Variants in SLC33A1 observed in about 807,000 individuals in gnomAD.
The protein encoded by SLC33A1 is solute carrier family 33 member 1.
In SLC33A1, 20 loss-of-function variants were observed where a neutral mutation model predicts 50.0. The ratio of observed to expected loss-of-function variants is 0.40; its 90% confidence interval spans 0.28 to 0.58. The LOEUF is 0.58. Ranked by LOEUF, SLC33A1 falls within the 20% of genes least tolerant of loss-of-function variation. SLC33A1 has a pLI of 0.44. For synonymous variants in SLC33A1, 265 were observed against 251.8 expected (o/e 1.05, Z -0.50); for missense variants, 476 against 657.0 (o/e 0.72, Z 3.01).
At chr3:155,836,266 G>C (rs1224727157) in intron 2 of SLC33A1, among the ~76,000 whole-genome samples, 1 of 90,828 alleles carries the variant, frequency 1.1e-5, no homozygotes, top group African/African-American at 4.6e-5. Flanking sequence ...CCTGGTGACA[G>C]AGTGAGACTC....
rs549032179 is a variant in SLC33A1 at position 155,838,185 on chromosome 3, C to T, written c.964-4144G>A. Among the ~76,000 whole-genome samples the T allele has an allele frequency of 3.3e-5, 5 of 152,022 alleles. No individual in the cohort carries two copies. In the East Asian group the frequency reaches 9.7e-4, roughly 29 times the overall value. The stretch of plus-strand genomic sequence containing the variant: ...GGGCATGGTGGTGCACGCCTGTAAT[C>T]CCAGCTACTTGGGAGGCTGAGGCAG... On this transcript the variant is annotated intron_variant, in intron 2 of 5. Transcript: ENST00000643144.
chr3:155,835,673 C>A (rs934391136), intron 2 of SLC33A1, among the ~76,000 whole-genome samples: 1 of 152,156 alleles, frequency 6.6e-6, no homozygotes, highest in African/African-American at 2.4e-5. Flanking sequence ...AGGGTGGGGG[C>A]TGCCAGAAAT....
chr3:155,833,123 C>A (rs930413097), intron 4 of SLC33A1, among the ~76,000 whole-genome samples: 1 of 151,934 alleles, frequency 6.6e-6, no homozygotes, highest in African/African-American at 2.4e-5. Flanking sequence ...GTGGCACGTG[C>A]CTGTAATCCT....
intron 2 of SLC33A1, among the ~76,000 whole-genome samples, chr3:155,839,068 C>T (rs951523416): frequency 6.6e-6 from 1 of 151,858 alleles, no homozygotes; most frequent in African/African-American, 2.4e-5. Context: ...ACGGGCAGAT[C>T]ACCTGAAGTC....
Position 155,829,807 on chromosome 3 carries a change from C to A in SLC33A1, c.1363G>T (p.Val455Leu). The A allele has an allele frequency of 6.2e-7, 1 of 1,613,670 alleles. No homozygotes were observed. The highest frequency in any genetic ancestry group is 8.5e-7 in the Non-Finnish European group (1 of 1,179,698). The change falls in exon 5 of 6, where the codon GTG becomes TTG. Residue 455 changes from valine to leucine, a missense_variant. Val to Leu is a conservative substitution (Grantham distance 32). Coordinates refer to ENST00000643144, the MANE Select transcript of SLC33A1 (RefSeq NM_004733.4). ...GGCCAGTTTCCTCCCAGATTGGACA[C>A]GGTATTTAAAAGGGTCATGTATGTT... Reference protein sequence around the residue: ...GGTYMTLLNTVSNLGGNWPST... With the variant: ...GGTYMTLLNTLSNLGGNWPST...
At chr3:155,844,501 C>A (rs1391947920) in intron 1 of SLC33A1, among the ~76,000 whole-genome samples, 8 of 107,702 alleles carry the variant, frequency 7.4e-5, no homozygotes, top group African/African-American at 2.8e-4. Context: ...CGGAGTCTCA[C>A]TCTTGTCAGG....
chr3:155,845,798 C>T (rs1402788740), intron 1 of SLC33A1, among the ~76,000 whole-genome samples: 1 of 151,918 alleles, frequency 6.6e-6, no homozygotes, highest in Non-Finnish European at 1.5e-5. Context: ...AACATTACTA[C>T]CAAAAACATG....
rs2109299644 is a variant in SLC33A1, at chr3:155,826,607, A to G, written c.*1603T>C. The G allele has an allele frequency of 6.6e-6, 1 of 152,194 alleles. No homozygotes were observed. The allele number at this position is 152,194 out of a possible 1,614,324, so 9.4% of individuals were successfully genotyped here. On this transcript the variant is annotated 3_prime_UTR_variant, in exon 6 of 6. Transcript: ENST00000643144. Reference sequence around the variant, plus strand: ...GGACAACCATGTGACAAAGTACTGTAGTGTATGGTTTGGTGTAGCCTCCTT... The same window carrying G: ...GGACAACCATGTGACAAAGTACTGTGGTGTATGGTTTGGTGTAGCCTCCTT...
chr3:155,854,103 T>G lies in SLC33A1; in HGVS notation c.-106A>C. On this transcript the variant is annotated 5_prime_UTR_variant, in exon 1 of 6. Transcript: ENST00000643144. ...TCGCGCTGGACCAGGGTTTCGGTGG[T>G]TCACGGGATGGTGGCAGGGCTCAGA... The G allele has an allele frequency of 1.1e-6, 1 of 889,514 alleles. No individual in the cohort carries two copies. The highest frequency in any genetic ancestry group is 1.7e-6 in the Non-Finnish European group (1 of 598,176). The allele number at this position is 889,514 out of a possible 1,614,324, so 55.1% of individuals were successfully genotyped here. A position where few individuals can be genotyped will look rare whatever the true frequency, so the allele number is the denominator to read the frequency against.
At chr3:155,846,454 C>CT (rs34163073) in intron 1 of SLC33A1, among the ~76,000 whole-genome samples, 27,845 of 138,376 alleles carry the variant, frequency 0.2, 7,021 homozygotes, top group African/African-American at 0.59. Flanking sequence ...CCCACACTTC[C>CT]TTTTTTTTTT....
Position 155,827,873 on chromosome 3 carries a change from C to T in SLC33A1, c.*337G>A. 8.0e-6 allele frequency: 2 copies of T among 251,008 alleles called. No individual in the cohort carries two copies. The highest frequency in any genetic ancestry group is 1.0e-4 in the South Asian group (2 of 19,256). 15.5% of individuals were successfully genotyped at this position (251,008 alleles called of 1,614,324 possible). A position where few individuals can be genotyped will look rare whatever the true frequency, so the allele number is the denominator to read the frequency against. The stretch of plus-strand genomic sequence containing the variant: ...GCTCAGCAGTGATAGGTACTAATAA[C>T]AATACCTGACTACATGGTTACCACC... On this transcript the variant is annotated 3_prime_UTR_variant, in exon 6 of 6. Coordinates refer to ENST00000643144, the MANE Select transcript of SLC33A1 (RefSeq NM_004733.4).
rs113135007 is a variant in SLC33A1 at position 155,828,409 on chromosome 3, C to T, written c.1483-32G>A. 4.4e-6 allele frequency: 6 copies of T among 1,361,360 alleles called. No homozygotes were observed. In the African/African-American group the frequency reaches 5.8e-5, roughly 13 times the overall value. The allele number at this position is 1,361,360 out of a possible 1,614,324, so 84.3% of individuals were successfully genotyped here. Reference sequence around the variant, plus strand: ...AAATAAAACTATAATAAATACTCCACAATTTCAAAATGAAAGTATTTAGCA... The same window carrying T: ...AAATAAAACTATAATAAATACTCCATAATTTCAAAATGAAAGTATTTAGCA... On this transcript the variant is annotated intron_variant, in intron 5 of 5. Transcript: ENST00000643144.
At chr3:155,850,470 C>A (rs1212813736) in intron 1 of SLC33A1, among the ~76,000 whole-genome samples, 1 of 141,782 alleles carries the variant, frequency 7.1e-6, no homozygotes, top group Non-Finnish European at 1.5e-5. Flanking sequence ...TAAATTGGAA[C>A]TTTCTCTTAA....
Position 155,853,676 on chromosome 3 carries a change from C to T in SLC33A1, c.322G>A (p.Asp108Asn), listed in dbSNP as rs2108018034. ...ILQSKNVSYTDQAFFSFVFWP... is the reference protein window; with the variant it reads ...ILQSKNVSYTNQAFFSFVFWP... ...AAGACAAAACTGAAGAAAGCTTGGT[C>T]TGTATAGCTAACATTTTTGCTTTGC... Residue 108 changes from aspartate (D) to asparagine (N), a missense_variant, in exon 1 of 6, where the codon GAC (aspartate) becomes AAC (asparagine). Coordinates refer to ENST00000643144, the MANE Select transcript of SLC33A1 (RefSeq NM_004733.4). 15 of 1,614,156 alleles carry T rather than the reference C, an allele frequency of 9.3e-6. No individual in the cohort carries two copies. The highest frequency in any genetic ancestry group is 1.2e-5 in the Non-Finnish European group (14 of 1,180,030).
chr3:155,842,273 C>T (rs554839830), intron 2 of SLC33A1, among the ~76,000 whole-genome samples, 159 bp downstream of exon 2: 2 of 152,284 alleles, frequency 1.3e-5, no homozygotes, highest in Admixed American at 1.3e-4. Flanking sequence ...GATATCATTA[C>T]ATCTTTTCAA....
At position 155,826,979 on chromosome 3, in the gene SLC33A1, C is replaced by A. The variant is rs1289306821; in HGVS notation, c.*1231G>T. On this transcript the variant is annotated 3_prime_UTR_variant, in exon 6 of 6. Coordinates refer to ENST00000643144, the MANE Select transcript of SLC33A1 (RefSeq NM_004733.4). ...ACATAACACAAAACATGCAAAGAAC[C>A]TTATCACTGGGTGTATGTAATACGC... The A allele has an allele frequency of 3.9e-5, 6 of 152,070 alleles. No homozygotes were observed. Among genetic ancestry groups the A allele is most frequent in the Admixed American group, 6.6e-5 (1 of 15,248 alleles). The allele number at this position is 152,070 out of a possible 1,614,324, so 9.4% of individuals were successfully genotyped here.
intron 1 of SLC33A1, 173 bp downstream of exon 1, chr3:155,853,047 TATC>T: frequency 1.6e-6 from 1 of 633,732 alleles, no homozygotes; most frequent in South Asian, 2.0e-5. Flanking sequence ...ATTGCTCTAA[TATC>T]ATTCATTTTG....
chr3:155,834,269 G>A (rs1027612913), intron 2 of SLC33A1, among the ~76,000 whole-genome samples: 3 of 152,124 alleles, frequency 2.0e-5, no homozygotes, highest in Non-Finnish European at 4.4e-5. Context: ...AGTACTGGTA[G>A]GGATGGTAGA....
chr3:155,835,432 C>A (rs1249416655), intron 2 of SLC33A1, among the ~76,000 whole-genome samples: 1 of 152,166 alleles, frequency 6.6e-6, no homozygotes, highest in Non-Finnish European at 1.5e-5. Context: ...AAAATCATTT[C>A]TTTTCTAACG....
Sources: allele counts gnomAD v4.1 joint callset (sites outside exome capture counted in the v4.1 genomes callset), GRCh38; gene constraint gnomAD v4.1.1; transcripts MANE v1.5; gene names NCBI Gene and HGNC (gene_info 2026-07-23, HGNC 2026-07-21).